CTTNBP2NL: variants seen among roughly 807,000 people sequenced by gnomAD.
CTTNBP2NL encodes CTTNBP2 N-terminal-like protein.
CTTNBP2NL carries 16 observed loss-of-function variants against 32.5 expected under a neutral mutation model. The ratio of observed to expected loss-of-function variants is 0.49; its 90% CI spans 0.33 to 0.75. The LOEUF is 0.75. Among genes scored for constraint, CTTNBP2NL ranks in the 30% least tolerant of loss-of-function variants. The pLI is 0.02. For missense variants in CTTNBP2NL, 645 were observed against 756.0 expected (o/e 0.85, Z 1.72); for synonymous variants, 298 against 289.4 (o/e 1.03, Z -0.30).
At chr1:112,452,078 G>A (rs1466859868) in intron 4 of CTTNBP2NL, among the ~76,000 whole-genome samples, 1 of 151,982 alleles carries the variant, frequency 6.6e-6, no homozygotes, top group African/African-American at 2.4e-5. Flanking sequence ...GAGAAGATAA[G>A]ACTTACCACT....
chr1:112,392,137 TG>T (rs1397914058), upstream of CTTNBP2NL, among the ~76,000 whole-genome samples: 3 of 152,208 alleles, frequency 2.0e-5, no homozygotes. Flanking sequence ...CTTAGCATGA[TG>T]GAGAGATGAT....
intron 1 of CTTNBP2NL, among the ~76,000 whole-genome samples, chr1:112,406,125 A>C (rs1048538306): frequency 3.3e-5 from 5 of 151,960 alleles, no homozygotes; most frequent in African/African-American, 9.7e-5. Flanking sequence ...CGGAGGTTGC[A>C]GTGAGCCGAG....
chr1:112,391,264 A>C (rs78557831), upstream of CTTNBP2NL, among the ~76,000 whole-genome samples: 1 of 152,128 alleles, frequency 6.6e-6, no homozygotes, highest in East Asian at 1.9e-4. Context: ...CTCCTCATCA[A>C]CCCCGGGGAG....
In CTTNBP2NL at chr1:112,457,505, A is replaced by G; in HGVS notation, c.*93A>G. The G allele has an allele frequency of 8.9e-7, 1 of 1,118,820 alleles. No individual in the cohort carries two copies. The highest frequency in any genetic ancestry group is 1.3e-6 in the Non-Finnish European group (1 of 775,026). The allele number at this position is 1,118,820 out of a possible 1,614,324, so 69.3% of individuals were successfully genotyped here. A position where few individuals can be genotyped will look rare whatever the true frequency, so the allele number is the denominator to read the frequency against. On this transcript the variant is annotated 3_prime_UTR_variant, in exon 6 of 6. Transcript: ENST00000271277. ...GAGTCAGATTATGTTATTTATTTTG[A>G]TAGTAGCTGAAACCATCTGTATAAT...
At chr1:112,411,437 C>A (rs1648860335) in intron 1 of CTTNBP2NL, among the ~76,000 whole-genome samples, 1 of 152,124 alleles carries the variant, frequency 6.6e-6, no homozygotes, top group Non-Finnish European at 1.5e-5. Flanking sequence ...AACATCTGAT[C>A]ATAAATGTGA....
chr1:112,401,935 A>G (rs1161497530), intron 1 of CTTNBP2NL, among the ~76,000 whole-genome samples: 1 of 152,184 alleles, frequency 6.6e-6, no homozygotes, highest in Non-Finnish European at 1.5e-5. Flanking sequence ...AAAGAATGCA[A>G]CCCTTAATTG....
In CTTNBP2NL at chr1:112,457,400, T is replaced by C. The variant is rs768858696; in HGVS notation, c.1908T>C (p.Pro636=). 4 of 1,610,578 alleles carry C rather than the reference T, an allele frequency of 2.5e-6. No homozygotes were observed. The East Asian group carries it at 8.9e-5, about 36-fold the overall frequency. The change falls in exon 6 of 6, where the codon CCT becomes CCC. Residue 636 remains proline (P), a synonymous_variant. Transcript: ENST00000271277. ...GTAAGGATGTTGAGTTACTTTTGCCTACCAGCAGCTAGTCCCTAGGAGGGA... is the reference window on the plus strand; with the variant it reads ...GTAAGGATGTTGAGTTACTTTTGCCCACCAGCAGCTAGTCCCTAGGAGGGA... ...ANGKDVELLL[P]TSS
At chr1:112,404,661 G>A (rs978658478) in intron 1 of CTTNBP2NL, among the ~76,000 whole-genome samples, 1 of 152,178 alleles carries the variant, frequency 6.6e-6, no homozygotes, top group Non-Finnish European at 1.5e-5. Context: ...TTAGGGGACT[G>A]ATGGACAGAT....
intron 3 of CTTNBP2NL, among the ~76,000 whole-genome samples, chr1:112,442,070 G>A (rs2488789): frequency 0.51 from 77,025 of 152,106 alleles, 22,230 homozygotes; most frequent in South Asian, 0.71. Flanking sequence ...CTCTGTACCT[G>A]CTGCTGCATT....
intron 3 of CTTNBP2NL, among the ~76,000 whole-genome samples, chr1:112,442,972 G>A (rs546048197): frequency 7.2e-5 from 11 of 152,218 alleles, no homozygotes; most frequent in African/African-American, 2.6e-4. Flanking sequence ...TTACAGACAT[G>A]AGCCACTGCG....
chr1:112,452,183 A>G (rs1203431364), intron 4 of CTTNBP2NL, among the ~76,000 whole-genome samples: 1 of 152,060 alleles, frequency 6.6e-6, no homozygotes, highest in African/African-American at 2.4e-5. Flanking sequence ...TTTGAGAGAC[A>G]GGGTCTCGCT....
At chr1:112,402,438 G>A (rs1648535764) in intron 1 of CTTNBP2NL, among the ~76,000 whole-genome samples, 1 of 152,094 alleles carries the variant, frequency 6.6e-6, no homozygotes, top group Admixed American at 6.6e-5. Flanking sequence ...AAAAGTGAGA[G>A]CCAGGGAAGG....
chr1:112,453,990 A>G (rs1650297416), intron 4 of CTTNBP2NL, among the ~76,000 whole-genome samples: 2 of 152,336 alleles, frequency 1.3e-5, no homozygotes, highest in South Asian at 2.1e-4. Flanking sequence ...AATGTCACCT[A>G]TTTGAAATGT....
chr1:112,424,116 GTTTTTGTTTTTGT>G (rs1236224295), intron 3 of CTTNBP2NL, among the ~76,000 whole-genome samples: 2 of 151,680 alleles, frequency 1.3e-5, no homozygotes, highest in African/African-American at 4.8e-5. Flanking sequence ...CTGTTTTTTT[GTTTTTGTTTTTGT>G]TTTTTGTTTT....
intron 3 of CTTNBP2NL, among the ~76,000 whole-genome samples, chr1:112,425,632 C>T (rs1175629): frequency 6.6e-6 from 1 of 151,042 alleles, no homozygotes; most frequent in East Asian, 2.0e-4. Flanking sequence ...GGGAGGCCTT[C>T]GTGGGTGGAT....
At chr1:112,404,687 T>C (rs887202292) in intron 1 of CTTNBP2NL, among the ~76,000 whole-genome samples, 2 of 152,168 alleles carry the variant, frequency 1.3e-5, no homozygotes, top group African/African-American at 4.8e-5. Context: ...ATAGAGACGG[T>C]CAGATACATA....
rs200227935 is a variant in CTTNBP2NL, at chr1:112,457,456, G to A, written c.*44G>A. On this transcript the variant is annotated 3_prime_UTR_variant, in exon 6 of 6. Coordinates refer to ENST00000271277, the MANE Select transcript of CTTNBP2NL (RefSeq NM_018704.3). ...CACGTTTGACATTCCATCAGATTTC[G>A]TCCAAAAGCTCAGTCAGACTTCTGA... 132 of 1,528,308 alleles carry A rather than the reference G, an allele frequency of 8.6e-5. 1 individual carries two copies. Among genetic ancestry groups the A allele is most frequent in the Middle Eastern group, 7.0e-4 (4 of 5,674 alleles). 94.7% of individuals were successfully genotyped at this position (1,528,308 alleles called of 1,614,324 possible).
intron 3 of CTTNBP2NL, among the ~76,000 whole-genome samples, chr1:112,429,877 A>G (rs1011780347): frequency 3.9e-5 from 6 of 152,246 alleles, no homozygotes; most frequent in African/African-American, 1.4e-4. Flanking sequence ...CCAGAAATAC[A>G]TCTCACAAAG....
intron 4 of CTTNBP2NL, among the ~76,000 whole-genome samples, chr1:112,451,743 T>A (rs893253535): frequency 2.0e-5 from 3 of 148,666 alleles, no homozygotes; most frequent in African/African-American, 4.9e-5. Flanking sequence ...GTAATCCAGC[T>A]TGGGTGACAG....
Sources: allele counts gnomAD v4.1 joint callset (sites outside exome capture counted in the v4.1 genomes callset), GRCh38; gene constraint gnomAD v4.1.1; transcripts MANE v1.5; gene names NCBI Gene and HGNC (gene_info 2026-07-23, HGNC 2026-07-21).